ZNF536: variants seen among roughly 807,000 people sequenced by gnomAD.
ZNF536 encodes zinc finger protein 536.
Under a neutral mutation model 84.5 loss-of-function variants are expected in ZNF536, and 13 were observed. The observed-to-expected ratio is 0.15, with a 90% CI of 0.10 to 0.24. The LOEUF is 0.24. Among genes scored for constraint, ZNF536 ranks in the 10% least tolerant of loss-of-function variants. The pLI is 1.00. For missense variants in ZNF536, 1,536 were observed against 1,747.5 expected, an observed-to-expected ratio of 0.88 and a Z score of 2.16; for synonymous variants, 811 against 742.5, an observed-to-expected ratio of 1.09 and a Z score of -1.50.
At chr19:30,523,712 G>T (rs1378387139) in intron 2 of ZNF536, among the ~76,000 whole-genome samples, 1 of 151,956 alleles carries the variant, frequency 6.6e-6, no homozygotes, top group Non-Finnish European at 1.5e-5. Context: ...CCTGCACCTG[G>T]CAGTCAGGCA....
intron 2 of ZNF536, among the ~76,000 whole-genome samples, chr19:30,331,923 C>G (rs1311045812): frequency 6.6e-6 from 1 of 152,144 alleles, no homozygotes; most frequent in Non-Finnish European, 1.5e-5. Flanking sequence ...CACCCATTAT[C>G]AGCTCTTAGC....
intron 2 of ZNF536, among the ~76,000 whole-genome samples, chr19:30,332,009 T>C (rs553197268): frequency 4.6e-5 from 7 of 152,248 alleles, no homozygotes; most frequent in African/African-American, 1.7e-4. Context: ...ATCTCCCTTT[T>C]CCATGCCAGT....
chr19:30,270,490 A>C (rs2025766910), intron 1 of ZNF536, among the ~76,000 whole-genome samples: 4 of 152,240 alleles, frequency 2.6e-5, no homozygotes, highest in Admixed American at 1.3e-4. Flanking sequence ...CTAAATAGAC[A>C]CTGCCTGTCA....
intron 2 of ZNF536, among the ~76,000 whole-genome samples, chr19:30,324,584 G>A (rs987727812): frequency 7.9e-5 from 12 of 152,250 alleles, no homozygotes; most frequent in East Asian, 3.9e-4. Flanking sequence ...TAGAGACGGG[G>A]TCTCACTACA....
intron 2 of ZNF536, among the ~76,000 whole-genome samples, chr19:30,502,386 G>T (rs964037241): frequency 6.6e-5 from 10 of 152,236 alleles, no homozygotes; most frequent in Admixed American, 3.9e-4. Context: ...CAGTGGAGTA[G>T]ATATTTTTAA....
intron 1 of ZNF536, among the ~76,000 whole-genome samples, chr19:30,692,629 C>T (rs1432693654): frequency 1.3e-5 from 2 of 152,246 alleles, no homozygotes; most frequent in African/African-American, 4.8e-5. Flanking sequence ...AAATCCGTCA[C>T]GTCTTTTCTC....
intron 1 of ZNF536, among the ~76,000 whole-genome samples, chr19:30,686,680 T>G (rs1296825957): frequency 1.3e-5 from 2 of 152,172 alleles, no homozygotes; most frequent in Non-Finnish European, 2.9e-5. Flanking sequence ...TCTGCGCGCG[T>G]CTTCATGTCA....
chr19:30,473,833 T>C (rs2053738884), intron 2 of ZNF536, among the ~76,000 whole-genome samples: 1 of 152,180 alleles, frequency 6.6e-6, no homozygotes, highest in African/African-American at 2.4e-5. Flanking sequence ...CTGTCTCTCC[T>C]CCAGGGATGA....
chr19:30,307,909 A>G (rs2046389100), intron 2 of ZNF536, among the ~76,000 whole-genome samples: 1 of 152,156 alleles, frequency 6.6e-6, no homozygotes, highest in Admixed American at 6.5e-5. Flanking sequence ...TTCCTTTAAC[A>G]CTGGCATGCT....
At chr19:30,429,644 G>T (rs1892576896) in intron 1 of ZNF536, among the ~76,000 whole-genome samples, 1 of 152,164 alleles carries the variant, frequency 6.6e-6, no homozygotes, top group South Asian at 2.1e-4. Flanking sequence ...TCTTTGGGTG[G>T]ATGTTTCAGA....
Position 30,549,389 on chromosome 19 carries a change from G to A in ZNF536, c.3770G>A (p.Ser1257Asn), listed in dbSNP as rs866858590. 2 of 1,594,602 alleles carry A rather than the reference G, an allele frequency of 1.3e-6. No homozygotes were observed. Among genetic ancestry groups the A allele is most frequent in the Non-Finnish European group, 1.7e-6 (2 of 1,170,104 alleles). The change falls in exon 4 of 5, where the codon AGC becomes AAC. Residue 1257 changes from serine (S) to asparagine (N), a missense_variant. Transcript: ENST00000355537. ...CCAAAGCCGGAGCGGGGGCCCCAGA[G>A]CCTGGACAAGCCGATGAACATGCTG... ...GLPKPERGPQ[S>N]LDKPMNMLSV...
intron 2 of ZNF536, among the ~76,000 whole-genome samples, chr19:30,483,859 TC>T (rs2054187557): frequency 6.6e-6 from 1 of 152,212 alleles, no homozygotes; most frequent in South Asian, 2.1e-4. Context: ...TGCCTCTTGG[TC>T]CCCACAGTCT....
chr19:30,266,521 C>T (rs563760942), intron 1 of ZNF536, among the ~76,000 whole-genome samples: 15 of 152,238 alleles, frequency 9.9e-5, no homozygotes, highest in South Asian at 4.1e-4. Flanking sequence ...GTATCTCTCT[C>T]CTCCTTGATT....
chr19:30,649,315 G>C lies in ZNF536; in HGVS notation c.170-61442G>C, dbSNP rs547666847. On this transcript the variant is annotated intron_variant, in intron 1 of 1. Transcript: ENST00000592773. ...AAGGTGACCAGTAGAAACAGCGTTT[G>C]GATTATATGATATCCCATAACTTAA... is the stretch of plus-strand genomic sequence containing the variant. 3.3e-5 allele frequency among the ~76,000 whole-genome samples: 5 copies of C among 152,278 alleles called. No individual in the cohort carries two copies. The South Asian group carries it at 1.0e-3, about 32-fold the overall frequency.
At chr19:30,681,705 C>A (rs985985145) in intron 1 of ZNF536, among the ~76,000 whole-genome samples, 4 of 152,170 alleles carry the variant, frequency 2.6e-5, no homozygotes, top group Admixed American at 1.3e-4. Flanking sequence ...GTTTACCAGG[C>A]GGGAGGCTGG....
At chr19:30,616,432 A>G (rs1391683090) in intron 1 of ZNF536, among the ~76,000 whole-genome samples, 1 of 152,218 alleles carries the variant, frequency 6.6e-6, no homozygotes, top group East Asian at 1.9e-4. Context: ...TTTTTCTCTG[A>G]CATAATATTA....
chr19:30,633,460 A>T (rs1350354579), intron 1 of ZNF536, among the ~76,000 whole-genome samples: 1 of 152,306 alleles, frequency 6.6e-6, no homozygotes, highest in African/African-American at 2.4e-5. Flanking sequence ...AATGTAACAA[A>T]CTCAACTGTT....
chr19:30,238,533 A>T (rs907075417), intron 1 of ZNF536, among the ~76,000 whole-genome samples: 2 of 152,080 alleles, frequency 1.3e-5, no homozygotes, highest in African/African-American at 4.8e-5. Context: ...GACATTATAA[A>T]CTGTGCTTTC....
In ZNF536 at chr19:30,527,946, C is replaced by A. The variant is rs138263514; in HGVS notation, c.2171-6901C>A. Among the ~76,000 whole-genome samples the A allele has an allele frequency of 4.6e-4, 70 of 152,246 alleles. 2 individuals are homozygous for A. The highest frequency in any genetic ancestry group is 1.6e-3 in the African/African-American group (66 of 41,544). On this transcript the variant is annotated intron_variant, in intron 2 of 4. Coordinates refer to ENST00000355537, the MANE Select transcript of ZNF536 (RefSeq NM_014717.3). ...TGTGCCACTGAACTGCTTCTTCACC[C>A]CTTAGACTCCACAAATAGTTTTTTT...
Sources: gnomAD v4.1 joint callset for allele counts (sites outside exome capture counted in the v4.1 genomes callset) on GRCh38, gnomAD v4.1.1 for gene constraint, MANE v1.5 for transcripts, NCBI Gene and HGNC (gene_info 2026-07-23, HGNC 2026-07-21) for gene names.